CACNB2: variants seen among roughly 807,000 people sequenced by gnomAD.
The protein encoded by CACNB2 is voltage-dependent L-type calcium channel subunit beta-2.
In CACNB2, 42 loss-of-function variants were observed where a neutral mutation model predicts 73.3. The observed-to-expected ratio is 0.57, with a 90% CI of 0.45 to 0.74. The LOEUF is 0.74. Among genes scored for constraint, CACNB2 ranks in the 30% least tolerant of loss-of-function variants. The probability of loss-of-function intolerance (pLI) is 0.00; values close to 1 mark genes in which losing one functional copy is unlikely to be tolerated. For missense variants in CACNB2, 940 were observed against 853.0 expected (o/e 1.10, Z -1.27); for synonymous variants, 348 against 310.3 (o/e 1.12, Z -1.28).
chr10:18,318,146 A>G (rs1409181446), intron 2 of CACNB2, among the ~76,000 whole-genome samples: 2 of 152,210 alleles, frequency 1.3e-5, no homozygotes, highest in Non-Finnish European at 2.9e-5. Flanking sequence ...TATGGAACCA[A>G]AAAAGAGCCT....
intron 2 of CACNB2, among the ~76,000 whole-genome samples, chr10:18,275,964 T>C (rs1425487725): frequency 6.6e-6 from 1 of 152,206 alleles, no homozygotes; most frequent in African/African-American, 2.4e-5. Context: ...TGAAACTTTG[T>C]TCAGATTTAA....
intron 3 of CACNB2, among the ~76,000 whole-genome samples, chr10:18,445,420 A>C (rs1326844797): frequency 6.6e-6 from 1 of 152,214 alleles, no homozygotes; most frequent in Non-Finnish European, 1.5e-5. Flanking sequence ...TTACACACGT[A>C]CTGGCCATAT....
Position 18,514,333 on chromosome 10 carries a change from C to G in CACNB2, c.768C>G (p.Pro256=), listed in dbSNP as rs1186306306. Reference sequence around the variant, plus strand: ...CCAGTGCAAACAGTGTAACGTCACCCCACTCCAAAGAGAAAAGAATGCCCT... The same window carrying G: ...CCAGTGCAAACAGTGTAACGTCACCGCACTCCAAAGAGAAAAGAATGCCCT... ...PKPSANSVTS[P]HSKEKRMPFF... Residue 256 remains proline (P), a synonymous_variant, in exon 7 of 14, where the codon CCC becomes CCG. Coordinates refer to ENST00000324631, the MANE Select transcript of CACNB2 (RefSeq NM_201596.3). The G allele has an allele frequency of 1.2e-6, 2 of 1,614,142 alleles. No homozygotes were observed. Among genetic ancestry groups the G allele is most frequent in the Non-Finnish European group, 8.5e-7 (1 of 1,180,018 alleles).
intron 2 of CACNB2, among the ~76,000 whole-genome samples, chr10:18,223,253 C>G (rs573136301): frequency 1.3e-5 from 2 of 152,242 alleles, no homozygotes; most frequent in East Asian, 1.9e-4. Context: ...ATATCCAACA[C>G]CTTCTATATA....
intron 2 of CACNB2, among the ~76,000 whole-genome samples, chr10:18,222,989 T>G (rs7896607): frequency 0.62 from 94,460 of 151,972 alleles, 30,429 homozygotes; most frequent in Non-Finnish European, 0.71. Flanking sequence ...CTTTCATTCC[T>G]TTGTTAACTT....
chr10:18,195,305 C>T (rs1010777360), intron 2 of CACNB2, among the ~76,000 whole-genome samples: 8 of 152,172 alleles, frequency 5.3e-5, no homozygotes, highest in South Asian at 2.1e-4. Context: ...CAAACGGAAG[C>T]GCCCAGCACT....
intron 2 of CACNB2, chr10:18,400,940 AG>A: frequency 6.3e-7 from 1 of 1,598,296 alleles, no homozygotes; most frequent in Non-Finnish European, 8.5e-7. Flanking sequence ...GAGCATGGAT[AG>A]GAAAGGAGCT....
At position 18,194,203 on chromosome 10, in the gene CACNB2, G is replaced by A. The variant is rs148298516; in HGVS notation, c.213+43228G>A. 7.9e-5 allele frequency among the ~76,000 whole-genome samples: 12 copies of A among 152,200 alleles called. No homozygotes were observed. The East Asian group carries it at 1.7e-3, about 22-fold the overall frequency. ...TTCCAGGTTTTCACAGTCATCTCTT[G>A]ATGTTCATCTGTCTCCTTCACTTTG... is the stretch of plus-strand genomic sequence containing the variant. On this transcript the variant is annotated intron_variant, in intron 2 of 13. Coordinates refer to ENST00000324631, the MANE Select transcript of CACNB2 (RefSeq NM_201596.3).
chr10:18,471,129 A>G (rs1306899953), intron 3 of CACNB2, among the ~76,000 whole-genome samples: 2 of 152,092 alleles, frequency 1.3e-5, no homozygotes, highest in Admixed American at 1.3e-4. Context: ...ACATGGTGAA[A>G]CCCCATCTCT....
chr10:18,400,559 C>G, intron 2 of CACNB2: 1 of 1,018,674 alleles, frequency 9.8e-7, no homozygotes, highest in Non-Finnish European at 1.2e-6. Context: ...CTCCCTCCGC[C>G]TCCCCCCTCC....
intron 2 of CACNB2, among the ~76,000 whole-genome samples, chr10:18,334,308 C>T (rs1240292371): frequency 3.9e-5 from 6 of 152,178 alleles, no homozygotes; most frequent in East Asian, 3.9e-4. Flanking sequence ...ACTCCAGTGG[C>T]GTCTGTGCGC....
At chr10:18,488,392 G>A (rs1278184358) in intron 3 of CACNB2, among the ~76,000 whole-genome samples, 2 of 143,822 alleles carry the variant, frequency 1.4e-5, no homozygotes, top group African/African-American at 2.6e-5. Context: ...GGAGAATGAC[G>A]TGAACCTGGA....
chr10:18,292,067 C>T (rs2039088182), intron 2 of CACNB2, among the ~76,000 whole-genome samples: 1 of 152,138 alleles, frequency 6.6e-6, no homozygotes, highest in Non-Finnish European at 1.5e-5. Flanking sequence ...TGCATTCATA[C>T]AAAGTCAAGG....
chr10:18,468,088 G>A (rs1433993337), intron 3 of CACNB2, among the ~76,000 whole-genome samples: 1 of 152,134 alleles, frequency 6.6e-6, no homozygotes, highest in African/African-American at 2.4e-5. Context: ...GGCACATGTT[G>A]ATCAGAAATA....
At chr10:18,151,137 A>C in intron 2 of CACNB2, 162 bp downstream of exon 2, 1 of 586,124 alleles carries the variant, frequency 1.7e-6, no homozygotes, top group East Asian at 2.9e-5. Context: ...AAATATTTTA[A>C]TCTTAAGTGA....
chr10:18,314,066 T>C (rs1014664007), intron 2 of CACNB2, among the ~76,000 whole-genome samples: 1 of 152,186 alleles, frequency 6.6e-6, no homozygotes, highest in African/African-American at 2.4e-5. Flanking sequence ...TTATTAGCCT[T>C]TTATGGTCAA....
intron 9 of CACNB2, among the ~76,000 whole-genome samples, chr10:18,522,473 C>T (rs1379256669): frequency 6.6e-6 from 1 of 152,072 alleles, no homozygotes; most frequent in Non-Finnish European, 1.5e-5. Flanking sequence ...TACTATAGTA[C>T]TTTCTTTCTA....
At chr10:18,207,995 TA>T (rs1265817292) in intron 2 of CACNB2, among the ~76,000 whole-genome samples, 1 of 152,224 alleles carries the variant, frequency 6.6e-6, no homozygotes, top group Non-Finnish European at 1.5e-5. Context: ...GTGCTGCTTT[TA>T]AAAAATCTCA....
chr10:18,224,884 C>T (rs1207769490), intron 2 of CACNB2, among the ~76,000 whole-genome samples: 2 of 152,216 alleles, frequency 1.3e-5, no homozygotes, highest in African/African-American at 2.4e-5. Flanking sequence ...CCGCCTCCTC[C>T]CTGCTACATC....
Sources: allele counts gnomAD v4.1 joint callset (sites outside exome capture counted in the v4.1 genomes callset), GRCh38; gene constraint gnomAD v4.1.1; transcripts MANE v1.5; gene names NCBI Gene and HGNC (gene_info 2026-07-23, HGNC 2026-07-21).